Variants in EPB41L3 observed in about 807,000 individuals in gnomAD.
EPB41L3 encodes erythrocyte membrane protein band 4.1 like 3, also known as band 4.1-like protein 3.
In EPB41L3, 57 loss-of-function variants were observed where a neutral mutation model predicts 127.1. That is an observed-to-expected ratio of 0.45 (90% CI 0.36 to 0.56). EPB41L3 has a LOEUF of 0.56. EPB41L3 is among the 20% of genes least tolerant of loss of function. EPB41L3 has a pLI of 0.00. For synonymous variants in EPB41L3, 572 were observed against 549.5 expected (o/e 1.04, Z -0.57); for missense variants, 1,273 against 1,372.2 (o/e 0.93, Z 1.14).
At chr18:5,613,943 A>G (rs1212759309) in intron 2 of EPB41L3, among the ~76,000 whole-genome samples, 1 of 152,250 alleles carries the variant, frequency 6.6e-6, no homozygotes, top group Non-Finnish European at 1.5e-5. Flanking sequence ...GGCAGTAAAT[A>G]TCAATAGATA....
chr18:5,555,381 C>T (rs747211655), intron 3 of EPB41L3, among the ~76,000 whole-genome samples: 3 of 152,198 alleles, frequency 2.0e-5, no homozygotes, highest in Non-Finnish European at 2.9e-5. Context: ...TCCCCCTGTA[C>T]TGACCCACTA....
At chr18:5,467,350 G>A (rs1446018968) in intron 3 of EPB41L3, 1 of 150,758 alleles carries the variant, frequency 6.6e-6, no homozygotes, top group East Asian at 2.0e-4. Flanking sequence ...TAGAAATTAG[G>A]TTTAAGAAAA....
chr18:5,578,793 T>C (rs980866336), intron 3 of EPB41L3, among the ~76,000 whole-genome samples: 1 of 152,196 alleles, frequency 6.6e-6, no homozygotes, highest in African/African-American at 2.4e-5. Context: ...TTGGAAGGAA[T>C]GTGAATCCAC....
At chr18:5,618,299 C>T (rs2094821351) in intron 1 of EPB41L3, among the ~76,000 whole-genome samples, 1 of 152,168 alleles carries the variant, frequency 6.6e-6, no homozygotes, top group African/African-American at 2.4e-5. Context: ...CTACAACATT[C>T]ATAAACTACT....
intron 16 of EPB41L3, among the ~76,000 whole-genome samples, chr18:5,402,442 C>T (rs540307998): frequency 6.6e-6 from 1 of 152,170 alleles, no homozygotes; most frequent in South Asian, 2.1e-4. Flanking sequence ...CTTCACAAAA[C>T]CCCCAGCGAA....
chr18:5,592,686 G>A (rs16948475), intron 3 of EPB41L3, among the ~76,000 whole-genome samples: 3,181 of 152,262 alleles, frequency 0.021, 107 homozygotes, highest in African/African-American at 0.071. Flanking sequence ...TGGGACATCC[G>A]GTGGTGAGAC....
rs575290538 is a variant in EPB41L3, at chr18:5,509,160, A to T, written c.-11-19966T>A. On this transcript the variant is annotated intron_variant, in intron 1 of 22. Transcript: ENST00000341928. ...TAAGAAGATGTTTTTAACAGAAAAGAGCTCCTTTCAGGATTTCTGAGAAGA... is the reference window on the plus strand; with the variant it reads ...TAAGAAGATGTTTTTAACAGAAAAGTGCTCCTTTCAGGATTTCTGAGAAGA... Among the ~76,000 whole-genome samples the T allele has an allele frequency of 2.6e-5, 4 of 152,358 alleles. No individual in the cohort carries two copies. The East Asian group carries it at 7.7e-4, about 29-fold the overall frequency.
chr18:5,408,791 G>C (rs1011969027), intron 14 of EPB41L3, among the ~76,000 whole-genome samples: 1 of 152,076 alleles, frequency 6.6e-6, no homozygotes, highest in Non-Finnish European at 1.5e-5. Context: ...TAATTTCAAG[G>C]AGTGGTCTAA....
chr18:5,434,750 A>G (rs2079507399), intron 6 of EPB41L3, among the ~76,000 whole-genome samples: 1 of 152,242 alleles, frequency 6.6e-6, no homozygotes, highest in African/African-American at 2.4e-5. Context: ...ATACTTGATA[A>G]CAAGTGACTA....
Position 5,543,011 on chromosome 18 carries a change from C to T in EPB41L3, c.-12+902G>A, listed in dbSNP as rs1381993685. On this transcript the variant is annotated intron_variant, in intron 1 of 22. Coordinates refer to ENST00000341928, the MANE Select transcript of EPB41L3 (RefSeq NM_012307.5). The surrounding 1 kb of genome is among the most constrained non-coding windows in gnomAD (Gnocchi z 5.2). ...CTCCCCACCCCCACCGCGGCAGAGC[C>T]GCCTTCGCAGACACCTCCCGAGGAG... 6.6e-6 allele frequency among the ~76,000 whole-genome samples: 1 copy of T among 152,162 alleles called. No homozygotes were observed. Among genetic ancestry groups the T allele is most frequent in the Admixed American group, 6.5e-5 (1 of 15,290 alleles).
At chr18:5,500,743 T>C (rs756081031) in intron 1 of EPB41L3, among the ~76,000 whole-genome samples, 1 of 151,934 alleles carries the variant, frequency 6.6e-6, no homozygotes, top group Non-Finnish European at 1.5e-5. Flanking sequence ...CCTAAACAAA[T>C]AATGAATGAA....
At chr18:5,561,462 G>T (rs1011947537) in intron 3 of EPB41L3, among the ~76,000 whole-genome samples, 1 of 151,654 alleles carries the variant, frequency 6.6e-6, no homozygotes, top group Non-Finnish European at 1.5e-5. Flanking sequence ...GAAGGTATTG[G>T]ATTATAACAC....
chr18:5,621,960 G>A (rs1166479121), intron 1 of EPB41L3, among the ~76,000 whole-genome samples: 1 of 152,088 alleles, frequency 6.6e-6, no homozygotes, highest in Non-Finnish European at 1.5e-5. Flanking sequence ...AGAGGAGGTA[G>A]ATCAACAAAA....
chr18:5,538,102 T>C (rs1388380147), intron 1 of EPB41L3, among the ~76,000 whole-genome samples: 1 of 152,238 alleles, frequency 6.6e-6, no homozygotes, highest in Non-Finnish European at 1.5e-5. Flanking sequence ...TTTCATTTTC[T>C]TCTTATCTAA....
chr18:5,620,266 GA>G (rs1435867919), intron 1 of EPB41L3, among the ~76,000 whole-genome samples: 1 of 152,130 alleles, frequency 6.6e-6, no homozygotes, highest in African/African-American at 2.4e-5. Flanking sequence ...CCACAATCTG[GA>G]AAATGACATT....
chr18:5,551,523 G>A (rs1489698015), intron 3 of EPB41L3, among the ~76,000 whole-genome samples: 1 of 152,080 alleles, frequency 6.6e-6, no homozygotes, highest in Non-Finnish European at 1.5e-5. Flanking sequence ...CCAGGAGTTT[G>A]AGTCCAGCTT....
intron 3 of EPB41L3, among the ~76,000 whole-genome samples, chr18:5,467,182 A>G (rs140742396): frequency 0.01 from 1,597 of 152,320 alleles, 33 homozygotes; most frequent in African/African-American, 0.037. Context: ...AACTTGTTCC[A>G]TACACCACTC....
intron 3 of EPB41L3, among the ~76,000 whole-genome samples, chr18:5,602,880 G>T (rs963498532): frequency 2.6e-5 from 4 of 152,190 alleles, no homozygotes; most frequent in African/African-American, 9.7e-5. Flanking sequence ...GACTAAAATA[G>T]ATTTTAGAAT....
At chr18:5,502,689 A>G (rs1414629608) in intron 1 of EPB41L3, among the ~76,000 whole-genome samples, 1 of 152,170 alleles carries the variant, frequency 6.6e-6, no homozygotes, top group Non-Finnish European at 1.5e-5. Flanking sequence ...AGTGGACAAC[A>G]TTGGTCCCAA....
Sources: gnomAD v4.1 joint callset for allele counts (sites outside exome capture counted in the v4.1 genomes callset) on GRCh38, gnomAD v4.1.1 for gene constraint, Gnocchi (gnomAD v3.1) non-coding constraint, MANE v1.5 for transcripts, NCBI Gene and HGNC (gene_info 2026-07-23, HGNC 2026-07-21) for gene names.